The following STAB2 variants were observed in gnomAD, a reference collection of about 807,000 sequenced individuals.
The protein encoded by STAB2 is stabilin 2.
STAB2 carries 288 observed loss-of-function variants against 338.1 expected under a neutral mutation model. The ratio of observed to expected loss-of-function variants is 0.85; its 90% CI spans 0.77 to 0.94. STAB2 has a LOEUF of 0.94. Ranked by LOEUF, STAB2 falls within the 40% of genes least tolerant of loss-of-function variation. The pLI, the probability that STAB2 is intolerant of heterozygous loss-of-function variation, is 0.00. For missense variants in STAB2, 3,141 were observed against 3,210.1 expected (o/e 0.98, Z 0.52); for synonymous variants, 1,202 against 1,193.3 (o/e 1.01, Z -0.15).
chr12:103,625,518 A>G (rs1347275160), intron 5 of STAB2, among the ~76,000 whole-genome samples: 2 of 151,884 alleles, frequency 1.3e-5, no homozygotes, highest in Non-Finnish European at 2.9e-5. Flanking sequence ...CCTTCCCCCC[A>G]CCCACAACAG....
intron 56 of STAB2, 135 bp downstream of exon 56, chr12:103,742,689 C>T (rs1882684285): frequency 1.8e-5 from 25 of 1,402,984 alleles, no homozygotes; most frequent in Non-Finnish European, 2.4e-5. Flanking sequence ...TCTGCCTGCC[C>T]TATGTGTTTA....
At chr12:103,740,882 C>T in intron 55 of STAB2, 126 bp downstream of exon 55, 3 of 1,324,708 alleles carry the variant, frequency 2.3e-6, no homozygotes, top group South Asian at 1.7e-5. Flanking sequence ...GATTCCCAGA[C>T]CCCAGAACTC....
chr12:103,597,263 G>A lies in STAB2; in HGVS notation c.331+2753G>A, dbSNP rs542528384. The stretch of plus-strand genomic sequence containing the variant: ...ACCTTGACTATCACTTTACATTTCC[G>A]TAAGGATAAGGCCATTTCAGAGCTG... On this transcript the variant is annotated intron_variant, in intron 3 of 68. Coordinates refer to ENST00000388887, the MANE Select transcript of STAB2 (RefSeq NM_017564.10). Among the ~76,000 whole-genome samples the A allele has an allele frequency of 2.1e-4, 32 of 152,256 alleles. 1 individual carries two copies. The highest frequency in any genetic ancestry group is 3.9e-4 in the East Asian group (2 of 5,176).
At chr12:103,607,397 TTA>T (rs1306201285) in intron 3 of STAB2, among the ~76,000 whole-genome samples, 11 of 110,884 alleles carry the variant, frequency 9.9e-5, no homozygotes, top group South Asian at 3.1e-4. Context: ...CTGTTTTTTT[TTA>T]ATTATACTTT....
intron 5 of STAB2, among the ~76,000 whole-genome samples, chr12:103,622,454 G>A (rs998491042): frequency 3.0e-4 from 46 of 152,224 alleles, no homozygotes; most frequent in African/African-American, 1.0e-3. Context: ...ACACTCAGCA[G>A]TATATGAATG....
chr12:103,721,525 G>T (rs906958865), intron 44 of STAB2, among the ~76,000 whole-genome samples: 11 of 152,042 alleles, frequency 7.2e-5, no homozygotes, highest in African/African-American at 2.7e-4. Context: ...GATCATGTAG[G>T]TCAATGTCAA....
chr12:103,654,825 A>G, intron 13 of STAB2, 127 bp downstream of exon 13: 1 of 1,203,078 alleles, frequency 8.3e-7, no homozygotes, highest in African/African-American at 1.5e-5. Flanking sequence ...GAGCAGAGAG[A>G]AGAAGAGGTG....
intron 39 of STAB2, 23 bp downstream of exon 39, chr12:103,708,559 TTA>T (rs1381644006): frequency 6.2e-7 from 1 of 1,608,698 alleles, no homozygotes; most frequent in East Asian, 2.2e-5. Context: ...CCTCCAGTAT[TTA>T]TAATCTGCTC....
intron 3 of STAB2, among the ~76,000 whole-genome samples, chr12:103,601,611 A>G (rs899993572): frequency 2.4e-4 from 36 of 152,026 alleles, no homozygotes; most frequent in African/African-American, 8.7e-4. Context: ...AGAAAAAGAA[A>G]CCCTTAAAGA....
At chr12:103,588,970 G>A (rs747138494) in intron 1 of STAB2, among the ~76,000 whole-genome samples, 9 of 152,152 alleles carry the variant, frequency 5.9e-5, no homozygotes, top group Non-Finnish European at 1.2e-4. Flanking sequence ...CTCAGGTGCA[G>A]GAAAGAGAAA....
At chr12:103,625,381 T>C (rs920660563) in intron 5 of STAB2, among the ~76,000 whole-genome samples, 1 of 152,232 alleles carries the variant, frequency 6.6e-6, no homozygotes, top group African/African-American at 2.4e-5. Context: ...TTTTTATACT[T>C]TAAGTTTTAG....
At chr12:103,701,689 TCAC>T (rs1168212114) in intron 34 of STAB2, among the ~76,000 whole-genome samples, 1 of 152,192 alleles carries the variant, frequency 6.6e-6, no homozygotes, top group African/African-American at 2.4e-5. Flanking sequence ...TTTATTACAA[TCAC>T]CATTTGAGAC....
chr12:103,752,231 C>A (rs543590198), intron 60 of STAB2, among the ~76,000 whole-genome samples: 3 of 152,076 alleles, frequency 2.0e-5, no homozygotes, highest in Non-Finnish European at 4.4e-5. Context: ...TATTGATATA[C>A]ATCTACTCAA....
chr12:103,724,340 G>T lies in STAB2; in HGVS notation c.4684-635G>T, dbSNP rs140843654. On this transcript the variant is annotated intron_variant, in intron 44 of 68. Transcript: ENST00000388887. ...GGAAGAGGTGAAGGGAGCTTACTAAGGTGAGAATGTCAGAAAGTTGCTAAT... is the reference window on the plus strand; with the variant it reads ...GGAAGAGGTGAAGGGAGCTTACTAATGTGAGAATGTCAGAAAGTTGCTAAT... Among the ~76,000 whole-genome samples the T allele has an allele frequency of 2.0e-5, 3 of 152,276 alleles. No homozygotes were observed. In the East Asian group the frequency reaches 5.8e-4, roughly 29 times the overall value.
Position 103,759,277 on chromosome 12 carries a change from CAA to C in STAB2, c.7248+6_7248+7del, listed in dbSNP as rs748886693. ...CAGCCAGGACCCACTCCAACCGGTA[CAA>C]AGTCTTCTGGGCTTCTTGGGGGAAC... On this transcript the variant is annotated splice_donor_5th_base_variant and intron_variant, in intron 65 of 68. Transcript: ENST00000388887. The C allele has an allele frequency of 6.2e-7, 1 of 1,613,542 alleles. No individual in the cohort carries two copies. Among genetic ancestry groups the C allele is most frequent in the South Asian group, 1.1e-5 (1 of 90,994 alleles).
chr12:103,755,244 G>A (rs11111748), intron 61 of STAB2, 58 bp from the exon 62 acceptor site: 1,497,097 of 1,587,184 alleles, frequency 0.94, 706,313 homozygotes, highest in East Asian at 1. Context: ...CATTAACCAA[G>A]TGATGCCACA....
intron 16 of STAB2, 77 bp downstream of exon 16, chr12:103,660,461 G>T: frequency 6.5e-7 from 1 of 1,540,756 alleles, no homozygotes; most frequent in Non-Finnish European, 9.0e-7. Flanking sequence ...CCAATATTTT[G>T]ACGCTAGAAA....
chr12:103,674,181 A>T (rs1285961256), intron 23 of STAB2, 94 bp downstream of exon 23: 12 of 1,411,442 alleles, frequency 8.5e-6, no homozygotes, highest in Non-Finnish European at 9.6e-6. Context: ...AGACGGAGCC[A>T]ACCCATATCT....
At chr12:103,691,733 C>T (rs1047904526) in intron 30 of STAB2, among the ~76,000 whole-genome samples, 2 of 152,168 alleles carry the variant, frequency 1.3e-5, no homozygotes, top group Non-Finnish European at 2.9e-5. Flanking sequence ...GAGTTCATTC[C>T]TATGTCCTAT....
Sources: allele counts gnomAD v4.1 joint callset (sites outside exome capture counted in the v4.1 genomes callset), GRCh38; gene constraint gnomAD v4.1.1; transcripts MANE v1.5; gene names NCBI Gene and HGNC (gene_info 2026-07-23, HGNC 2026-07-21).